OPCML: variants seen among roughly 807,000 people sequenced by gnomAD.
OPCML encodes the protein opioid-binding protein/cell adhesion molecule.
OPCML carries 13 observed loss-of-function variants against 37.8 expected under a neutral mutation model. The observed-to-expected ratio is 0.34, with a 90% CI of 0.22 to 0.55. The LOEUF is 0.55. Ranked by LOEUF, OPCML falls within the 20% of genes least tolerant of loss-of-function variation. The pLI is 0.91. For missense variants in OPCML, 341 were observed against 435.6 expected (o/e 0.78, Z 1.93); for synonymous variants, 176 against 168.8 (o/e 1.04, Z -0.33).
intron 1 of OPCML, chr11:133,006,662 C>T (rs1947119304): frequency 3.0e-6 from 3 of 985,420 alleles, no homozygotes; most frequent in Non-Finnish European, 3.6e-6. Flanking sequence ...GGTCAGTGCC[C>T]TTCCCTGATC....
At chr11:133,324,172 T>C (rs543748343) in intron 1 of OPCML, among the ~76,000 whole-genome samples, 6 of 152,320 alleles carry the variant, frequency 3.9e-5, no homozygotes, top group South Asian at 2.1e-4. Flanking sequence ...AAATTCCTGA[T>C]AAGGATTTTC....
intron 2 of OPCML, among the ~76,000 whole-genome samples, chr11:132,764,477 A>G (rs1946371263): frequency 6.6e-6 from 1 of 152,186 alleles, no homozygotes; most frequent in African/African-American, 2.4e-5. Flanking sequence ...GTTATTTTCC[A>G]TGTATGAGCT....
At chr11:132,594,816 C>G (rs1293894533) in intron 3 of OPCML, among the ~76,000 whole-genome samples, 1 of 152,166 alleles carries the variant, frequency 6.6e-6, no homozygotes, top group Non-Finnish European at 1.5e-5. Flanking sequence ...ATCAATCCAT[C>G]AGTTTAGTCC....
chr11:132,728,634 C>A (rs571681552), intron 2 of OPCML, among the ~76,000 whole-genome samples: 1 of 152,180 alleles, frequency 6.6e-6, no homozygotes, highest in East Asian at 1.9e-4. Context: ...CTTGTTCCTG[C>A]TGTAACCTAA....
chr11:133,422,021 T>C, intron 1 of OPCML: 1 of 477,334 alleles, frequency 2.1e-6, no homozygotes, highest in Non-Finnish European at 2.7e-6. Flanking sequence ...AGAATGTGCA[T>C]TTTTGTTACA....
At chr11:133,396,301 C>A (rs1341654476) in intron 1 of OPCML, among the ~76,000 whole-genome samples, 3 of 152,006 alleles carry the variant, frequency 2.0e-5, no homozygotes, top group African/African-American at 7.2e-5. Flanking sequence ...AGTTTTTTGG[C>A]AGAGTCTTTA....
chr11:132,818,079 T>C (rs1939733352), intron 2 of OPCML, among the ~76,000 whole-genome samples: 1 of 152,100 alleles, frequency 6.6e-6, no homozygotes, highest in Non-Finnish European at 1.5e-5. Context: ...CACTTCATGA[T>C]GGAGCCTCAC....
intron 1 of OPCML, among the ~76,000 whole-genome samples, chr11:132,982,716 C>T (rs1266810162): frequency 2.0e-5 from 3 of 152,154 alleles, no homozygotes; most frequent in Non-Finnish European, 4.4e-5. Context: ...TATTCTGTTA[C>T]TGATATTTGC....
chr11:133,027,327 G>C (rs12796515), intron 1 of OPCML, among the ~76,000 whole-genome samples: 22,759 of 152,254 alleles, frequency 0.15, 1,960 homozygotes, highest in Middle Eastern at 0.23. Context: ...TGCTAAGAAA[G>C]TGCTGAGCAA....
chr11:132,948,371 A>G (rs1158792677), intron 1 of OPCML, among the ~76,000 whole-genome samples: 1 of 152,202 alleles, frequency 6.6e-6, no homozygotes, highest in Non-Finnish European at 1.5e-5. Context: ...AACTTCAGCA[A>G]GCTTAGGATT....
chr11:132,705,997 G>A (rs930577636), intron 2 of OPCML, among the ~76,000 whole-genome samples: 4 of 151,928 alleles, frequency 2.6e-5, no homozygotes, highest in South Asian at 4.2e-4. Flanking sequence ...TAGTAAAGAC[G>A]GGGTTTCACC....
intron 1 of OPCML, among the ~76,000 whole-genome samples, chr11:133,129,311 A>G (rs2137133476): frequency 1.3e-5 from 2 of 152,306 alleles, no homozygotes; most frequent in Middle Eastern, 6.8e-3. Context: ...GAGGGTTAGT[A>G]GTAGCAGCAC....
intron 1 of OPCML, among the ~76,000 whole-genome samples, chr11:133,187,204 G>A (rs543451373): frequency 6.6e-6 from 1 of 152,248 alleles, no homozygotes; most frequent in East Asian, 1.9e-4. Flanking sequence ...TCATGGAGGT[G>A]TGGCATGGTG....
chr11:133,037,876 C>A (rs1947810014), intron 1 of OPCML, among the ~76,000 whole-genome samples: 1 of 152,168 alleles, frequency 6.6e-6, no homozygotes, highest in South Asian at 2.1e-4. Flanking sequence ...TAATGGGTGA[C>A]CCTAACTGAG....
intron 2 of OPCML, among the ~76,000 whole-genome samples, chr11:132,887,502 G>C (rs991598086): frequency 2.0e-5 from 3 of 152,202 alleles, no homozygotes; most frequent in Admixed American, 2.0e-4. Flanking sequence ...GATGGGGCCT[G>C]ACCGAGTACA....
intron 2 of OPCML, among the ~76,000 whole-genome samples, chr11:132,905,527 C>A (rs955491305): frequency 6.6e-6 from 1 of 152,088 alleles, no homozygotes; most frequent in East Asian, 1.9e-4. Context: ...GCCACCACAC[C>A]CAGCCTGGAA....
At chr11:133,498,927 T>C (rs1342433538) in intron 1 of OPCML, among the ~76,000 whole-genome samples, 2 of 152,156 alleles carry the variant, frequency 1.3e-5, no homozygotes, top group Admixed American at 1.3e-4. Flanking sequence ...AAGAACCCTG[T>C]GTGATATGTG....
At chr11:133,471,972 C>T (rs1947126196) in intron 1 of OPCML, among the ~76,000 whole-genome samples, 1 of 152,214 alleles carries the variant, frequency 6.6e-6, no homozygotes, top group Non-Finnish European at 1.5e-5. Context: ...TTGACCCTAA[C>T]ACGTCTGACC....
chr11:133,181,272 C>A (rs978282915), intron 1 of OPCML, among the ~76,000 whole-genome samples: 1 of 151,154 alleles, frequency 6.6e-6, no homozygotes, highest in Middle Eastern at 3.4e-3. Context: ...ACAAGGAAAA[C>A]CGGGCGAACC....
Sources: gnomAD v4.1 joint callset for allele counts (sites outside exome capture counted in the v4.1 genomes callset) on GRCh38, gnomAD v4.1.1 for gene constraint, MANE v1.5 for transcripts, NCBI Gene and HGNC (gene_info 2026-07-23, HGNC 2026-07-21) for gene names.